EBF1: variants seen among roughly 807,000 people sequenced by gnomAD.
EBF1 encodes transcription factor COE1.
A neutral mutation model predicts 68.4 loss-of-function variants in EBF1; 10 were observed. That is an observed-to-expected ratio of 0.15 (90% CI 0.09 to 0.25). EBF1 has a LOEUF of 0.25. Ranked by LOEUF, EBF1 falls within the 10% of genes least tolerant of loss-of-function variation. EBF1 has a pLI of 1.00. For synonymous variants in EBF1, 298 were observed against 299.8 expected (o/e 0.99, Z 0.06); for missense variants, 509 against 794.4 (o/e 0.64, Z 4.32).
chr5:159,099,204 G>T, intron 1 of EBF1, 141 bp downstream of exon 1: 1 of 571,476 alleles, frequency 1.7e-6, no homozygotes, highest in Non-Finnish European at 2.5e-6. Flanking sequence ...GCGGAGCCCC[G>T]GCGGAGAGCG....
intron 6 of EBF1, among the ~76,000 whole-genome samples, chr5:159,054,201 C>G (rs1774328195): frequency 6.6e-6 from 1 of 152,132 alleles, no homozygotes; most frequent in South Asian, 2.1e-4. Flanking sequence ...TGTCTTAACA[C>G]TTGATCCTGC....
At chr5:158,917,746 C>G (rs1454211224) in intron 6 of EBF1, among the ~76,000 whole-genome samples, 1 of 152,198 alleles carries the variant, frequency 6.6e-6, no homozygotes, top group Non-Finnish European at 1.5e-5. Flanking sequence ...GCAAAAGTCA[C>G]AGCGAGTCTG....
At chr5:158,819,942 A>C (rs1317279886) in intron 8 of EBF1, among the ~76,000 whole-genome samples, 1 of 152,138 alleles carries the variant, frequency 6.6e-6, no homozygotes, top group Non-Finnish European at 1.5e-5. Context: ...TGCCTTTGTC[A>C]ACTCTCATAC....
At chr5:158,772,293 G>A (rs747082700) in intron 10 of EBF1, among the ~76,000 whole-genome samples, 42 of 152,078 alleles carry the variant, frequency 2.8e-4, no homozygotes, top group East Asian at 3.9e-4. Context: ...TTTTGTGGAG[G>A]AGGTTTCCAA....
intron 6 of EBF1, among the ~76,000 whole-genome samples, chr5:158,926,128 T>C (rs1333793043): frequency 6.6e-6 from 1 of 152,186 alleles, no homozygotes; most frequent in Non-Finnish European, 1.5e-5. Context: ...GGGTTATATT[T>C]CTAAACCCCC....
chr5:158,725,887 CTTGCAAATT>C (rs1316686516), intron 11 of EBF1, among the ~76,000 whole-genome samples: 1 of 152,176 alleles, frequency 6.6e-6, no homozygotes, highest in Admixed American at 6.5e-5. Context: ...TGACAAACAT[CTTGCAAATT>C]TTGCAATATC....
At chr5:159,043,965 C>T (rs1771787761) in intron 6 of EBF1, among the ~76,000 whole-genome samples, 1 of 152,190 alleles carries the variant, frequency 6.6e-6, no homozygotes, top group Non-Finnish European at 1.5e-5. Flanking sequence ...CCCTAATTCA[C>T]AGCAAGTCAC....
chr5:158,823,420 A>G, intron 7 of EBF1, 103 bp from the exon 8 acceptor site: 2 of 1,118,108 alleles, frequency 1.8e-6, no homozygotes, highest in Non-Finnish European at 2.5e-6. Context: ...AGAAAATTGC[A>G]TAGCTATTTC....
chr5:158,876,616 G>C (rs141116246), intron 6 of EBF1, among the ~76,000 whole-genome samples: 1 of 152,150 alleles, frequency 6.6e-6, no homozygotes, highest in Non-Finnish European at 1.5e-5. Context: ...AAAGTTTCAC[G>C]TTGCCCTATT....
At chr5:158,830,759 T>C (rs933251732) in intron 7 of EBF1, among the ~76,000 whole-genome samples, 89 of 152,362 alleles carry the variant, frequency 5.8e-4, no homozygotes, top group African/African-American at 1.9e-3. Context: ...GAATGCGATA[T>C]TCTCAGAAAT....
intron 15 of EBF1, 117 bp downstream of exon 15, chr5:158,707,862 G>T: frequency 8.1e-7 from 1 of 1,240,676 alleles, no homozygotes; most frequent in Non-Finnish European, 1.1e-6. Flanking sequence ...AGGGCAGAGA[G>T]AATCAGGCAG....
At chr5:158,831,039 A>G (rs1270968947) in intron 7 of EBF1, among the ~76,000 whole-genome samples, 1 of 152,206 alleles carries the variant, frequency 6.6e-6, no homozygotes, top group Non-Finnish European at 1.5e-5. Flanking sequence ...GAACGGTGAC[A>G]TATGATAAAC....
At chr5:158,707,507 A>C in intron 15 of EBF1, 1 of 230,002 alleles carries the variant, frequency 4.3e-6, no homozygotes, top group Non-Finnish European at 8.7e-6. Flanking sequence ...CCTCCCTGTT[A>C]TCAGCCCCAC....
intron 6 of EBF1, among the ~76,000 whole-genome samples, chr5:159,014,224 C>A (rs756224615): frequency 1.3e-5 from 2 of 152,162 alleles, no homozygotes; most frequent in Admixed American, 6.5e-5. Flanking sequence ...ACTAAAGTTA[C>A]ATGGCAGGCA....
intron 14 of EBF1, among the ~76,000 whole-genome samples, chr5:158,710,222 T>C (rs962575662): frequency 2.0e-5 from 3 of 152,200 alleles, no homozygotes; most frequent in Non-Finnish European, 4.4e-5. Flanking sequence ...TTTAATACTA[T>C]GTTTGTGAGC....
At chr5:158,973,743 C>A (rs189123463) in intron 6 of EBF1, among the ~76,000 whole-genome samples, 1 of 152,088 alleles carries the variant, frequency 6.6e-6, no homozygotes, top group East Asian at 1.9e-4. Flanking sequence ...ATTTATCTTC[C>A]GTGGTAAAAA....
intron 6 of EBF1, among the ~76,000 whole-genome samples, chr5:158,975,376 G>A (rs1479536037): frequency 6.6e-6 from 1 of 152,256 alleles, no homozygotes; most frequent in African/African-American, 2.4e-5. Flanking sequence ...GGTTCACAGG[G>A]AAAAAATCCA....
At chr5:159,035,724 G>A (rs999095113) in intron 6 of EBF1, among the ~76,000 whole-genome samples, 2 of 152,146 alleles carry the variant, frequency 1.3e-5, no homozygotes, top group Non-Finnish European at 2.9e-5. Context: ...TATTTTATAT[G>A]GGTAGGCAAG....
At chr5:158,868,940 G>C (rs540885021) in intron 6 of EBF1, among the ~76,000 whole-genome samples, 25 of 152,276 alleles carry the variant, frequency 1.6e-4, no homozygotes, top group Non-Finnish European at 3.2e-4. Flanking sequence ...AGCAATCGAA[G>C]GAGGTTTCAT....
Sources: gnomAD v4.1 joint callset for allele counts (sites outside exome capture counted in the v4.1 genomes callset) on GRCh38, gnomAD v4.1.1 for gene constraint, MANE v1.5 for transcripts, NCBI Gene and HGNC (gene_info 2026-07-23, HGNC 2026-07-21) for gene names.